The following CATIP variants were observed in gnomAD, a reference collection of about 807,000 sequenced individuals.
The protein encoded by CATIP is ciliogenesis associated TTC17 interacting protein.
In CATIP, 40 loss-of-function variants were observed where a neutral mutation model predicts 42.5. That is an observed-to-expected ratio of 0.94 (90% confidence interval 0.73 to 1.22). CATIP has a LOEUF of 1.22. Among genes scored for constraint, CATIP ranks in the 50% most tolerant of loss-of-function variants. The pLI is 0.00. For missense variants in CATIP, 489 were observed against 496.0 expected, an observed-to-expected ratio of 0.99 and a Z score of 0.13; for synonymous variants, 222 against 200.2, an observed-to-expected ratio of 1.11 and a Z score of -0.92.
chr2:218,366,206 C>T (rs1467863423), intron 7 of CATIP: 3 of 152,426 alleles, frequency 2.0e-5, no homozygotes, highest in African/African-American at 7.2e-5. Context: ...TCACTACAAC[C>T]TCCACCTCCC....
In CATIP at chr2:218,368,090, C is replaced by T; in HGVS notation, c.*126C>T. 8.5e-7 allele frequency: 1 copy of T among 1,177,060 alleles called. No individual in the cohort carries two copies. Among genetic ancestry groups the T allele is most frequent in the Non-Finnish European group, 1.1e-6 (1 of 874,972 alleles). 72.9% of individuals were successfully genotyped at this position (1,177,060 alleles called of 1,614,324 possible). A position where few individuals can be genotyped will look rare whatever the true frequency, so the allele number is the denominator to read the frequency against. ...GAATAAATGGGGCCCTCCCGCTTCT[C>T]TGCAGCGCCCGTCGACAGCGTCCCT... is the stretch of plus-strand genomic sequence containing the variant. On this transcript the variant is annotated 3_prime_UTR_variant, in exon 10 of 10. Transcript: ENST00000289388.
chr2:218,362,947 A>G (rs915663689), intron 6 of CATIP, 45 bp downstream of exon 6: 8 of 1,566,966 alleles, frequency 5.1e-6, no homozygotes, highest in Non-Finnish European at 6.9e-6. Context: ...GGAGCGAACT[A>G]GAAAAGGCGT....
At position 218,357,259 on chromosome 2, in the gene CATIP, GTCTC is replaced by G. The variant is rs144807145; in HGVS notation, c.118+100_118+103del. The G allele has an allele frequency of 2.9e-3, 1,784 of 607,174 alleles. 1 individual carries two copies. Among genetic ancestry groups the G allele is most frequent in the Middle Eastern group, 0.013 (32 of 2,428 alleles). 37.6% of individuals were successfully genotyped at this position (607,174 alleles called of 1,614,324 possible). A position where few individuals can be genotyped will look rare whatever the true frequency, so the allele number is the denominator to read the frequency against. On this transcript the variant is annotated intron_variant, in intron 2 of 9. Transcript: ENST00000289388. ...TCTGGAGAGGAGGGAAGAAAGTCCA[GTCTC>G]TCTCTCTCTCTCTCTCTCTCTCTCT...
At chr2:218,367,000 C>G in intron 7 of CATIP, 24 bp from the exon 8 acceptor site, 1 of 1,593,876 alleles carries the variant, frequency 6.3e-7, no homozygotes, top group Non-Finnish European at 8.6e-7. Flanking sequence ...GATTCTCACT[C>G]TCACATGTTG....
In CATIP at chr2:218,357,985, G is replaced by A. The variant is rs564824794; in HGVS notation, c.320-52G>A. On this transcript the variant is annotated intron_variant, in intron 3 of 9. Coordinates refer to ENST00000289388, the MANE Select transcript of CATIP (RefSeq NM_198559.2). Reference sequence around the variant, plus strand: ...TGCGCCACCACCTTCCCTTCCTTCAGCCTCTGACCCACATCTCCTGTGACG... The same window carrying A: ...TGCGCCACCACCTTCCCTTCCTTCAACCTCTGACCCACATCTCCTGTGACG... 8 of 1,560,496 alleles carry A rather than the reference G, an allele frequency of 5.1e-6. No homozygotes were observed. In the African/African-American group the frequency reaches 1.1e-4, roughly 21 times the overall value.
At position 218,367,723 on chromosome 2, in the gene CATIP, A is replaced by AG; in HGVS notation, c.925dup (p.Glu309GlyfsTer?). The AG allele has an allele frequency of 6.3e-7, 1 of 1,594,806 alleles. No individual in the cohort carries two copies. Among genetic ancestry groups the AG allele is most frequent in the Non-Finnish European group, 8.5e-7 (1 of 1,174,094 alleles). On this transcript the variant is annotated frameshift_variant and splice_region_variant, in exon 10 of 10. Coordinates refer to ENST00000289388, the MANE Select transcript of CATIP (RefSeq NM_198559.2). LOFTEE classifies it low-confidence loss of function (END_TRUNC). ...GGCTCGGGCTCTGTCCCCTGCCAGG[A>AG]GGAGCTCCGGCTCGGCCACGCCAGC... is the stretch of plus-strand genomic sequence containing the variant.
In CATIP at chr2:218,357,962, C is replaced by G. The variant is rs374547432; in HGVS notation, c.320-75C>G. ...CGTATTACACCTAGTCCTCCAGCTG[C>G]GCCACCACCTTCCCTTCCTTCAGCC... On this transcript the variant is annotated intron_variant, in intron 3 of 9. Transcript: ENST00000289388. 1.3e-5 allele frequency: 18 copies of G among 1,400,946 alleles called. No individual in the cohort carries two copies. In the African/African-American group the frequency reaches 2.4e-4, roughly 19 times the overall value. 86.8% of individuals were successfully genotyped at this position (1,400,946 alleles called of 1,614,324 possible).
intron 2 of CATIP, 117 bp from the exon 3 acceptor site, chr2:218,357,417 C>A: frequency 1.2e-6 from 1 of 866,782 alleles, no homozygotes; most frequent in Non-Finnish European, 1.8e-6. Context: ...GTGAGGAAGG[C>A]TGTGGGATGA....
In CATIP at chr2:218,367,022, A is replaced by G; in HGVS notation, c.756-2A>G. ...ACTCTCACATGTTGTGTTGCACTCC[A>G]GGCACCTGGCCAAGAGAATACAGGT... On this transcript the variant is annotated splice_acceptor_variant, in intron 7 of 9. Coordinates refer to ENST00000289388, the MANE Select transcript of CATIP (RefSeq NM_198559.2). LOFTEE classifies it high-confidence loss of function. 1 of 1,612,514 alleles carries G rather than the reference A, an allele frequency of 6.2e-7. No homozygotes were observed. The highest frequency in any genetic ancestry group is 1.3e-5 in the African/African-American group (1 of 74,990).
intron 8 of CATIP, 144 bp from the exon 9 acceptor site, chr2:218,367,286 A>C (rs1241521002): frequency 2.4e-6 from 2 of 838,316 alleles, no homozygotes; most frequent in Admixed American, 2.3e-5. Context: ...TTCCTACTGG[A>C]AGTCCCTTCC....
intron 2 of CATIP, 32 bp from the exon 3 acceptor site, chr2:218,357,502 C>T: frequency 6.3e-7 from 1 of 1,586,706 alleles, no homozygotes; most frequent in Non-Finnish European, 8.6e-7. Context: ...GGAGCAGGGG[C>T]TTTATCTGTT....
chr2:218,367,798 T>C lies in CATIP; in HGVS notation c.998T>C (p.Leu333Pro), dbSNP rs1695518266. Reference sequence around the variant, plus strand: ...CACGCGCTCATCTCCGACTTCCTGCTCTTCCTGCTGCTGCGCCAGCCGGAG... The same window carrying C: ...CACGCGCTCATCTCCGACTTCCTGCCCTTCCTGCTGCTGCGCCAGCCGGAG... ...EAHALISDFL[L>P]FLLLRQPEDV... The change falls in exon 10 of 10, where the codon CTC becomes CCC. Residue 333 changes from leucine to proline, a missense_variant. By Grantham distance (98) the Leu-to-Pro change is moderately conservative (BLOSUM62 -3). Transcript: ENST00000289388. 3.1e-6 allele frequency: 5 copies of C among 1,612,834 alleles called. No homozygotes were observed. The highest frequency in any genetic ancestry group is 2.2e-5 in the South Asian group (2 of 91,084).
In CATIP at chr2:218,367,756, G is replaced by C. The variant is rs1388957532; in HGVS notation, c.956G>C (p.Arg319Pro). The change falls in exon 10 of 10, where the codon CGG (arginine) becomes CCG (proline). Residue 319 changes from arginine (R) to proline (P), a missense_variant. Arg to Pro is a moderately radical substitution (Grantham distance 103). Coordinates refer to ENST00000289388, the MANE Select transcript of CATIP (RefSeq NM_198559.2). ...CGGCTCGGCCACGCCAGCTATCTGC[G>C]GCAGCACCCCGAAGCCCACGCGCTC... ...ELRLGHASYLRQHPEAHALIS... is the reference protein window; with the variant it reads ...ELRLGHASYLPQHPEAHALIS... The C allele has an allele frequency of 6.2e-7, 1 of 1,608,904 alleles. No individual in the cohort carries two copies. Among genetic ancestry groups the C allele is most frequent in the South Asian group, 1.1e-5 (1 of 90,786 alleles).
At chr2:218,364,087 GT>G (rs1211637260) in intron 6 of CATIP, among the ~76,000 whole-genome samples, 5 of 152,144 alleles carry the variant, frequency 3.3e-5, no homozygotes, top group African/African-American at 1.2e-4. Flanking sequence ...TTCCAGGCTT[GT>G]CTATCAAAAC....
At chr2:218,367,628 C>T (rs1695503183) in intron 9 of CATIP, 94 bp from the exon 10 acceptor site, 2 of 1,591,832 alleles carry the variant, frequency 1.3e-6, no homozygotes, top group South Asian at 1.1e-5. Flanking sequence ...TAGAAGGCTC[C>T]AGCGCCCCTT....
At chr2:218,363,510 A>C (rs185829028) in intron 6 of CATIP, among the ~76,000 whole-genome samples, 10,605 of 150,076 alleles carry the variant, frequency 0.071, 416 homozygotes, top group African/African-American at 0.12. Context: ...AAAAAAAAAA[A>C]ACGTCATTTT....
In CATIP at chr2:218,367,055, C is replaced by G. The variant is rs1695471468; in HGVS notation, c.787C>G (p.Pro263Ala). The change falls in exon 8 of 10, where the codon CCA (proline) becomes GCA (alanine). Residue 263 changes from proline (P) to alanine (A), a missense_variant. Physicochemically the swap from Pro to Ala is conservative, Grantham distance 27 (BLOSUM62 -1). Coordinates refer to ENST00000289388, the MANE Select transcript of CATIP (RefSeq NM_198559.2). ...GGCCAAGAGAATACAGGTGGGCTCC[C>G]CAGGGTGCTGCATCATCACCAAGAT... Reference protein sequence around the residue: ...HLAKRIQVGSPGCCIITKMPI... With the variant: ...HLAKRIQVGSAGCCIITKMPI... 6.2e-7 allele frequency: 1 copy of G among 1,613,738 alleles called. No homozygotes were observed. Among genetic ancestry groups the G allele is most frequent in the Admixed American group, 1.7e-5 (1 of 59,986 alleles).
intron 5 of CATIP, among the ~76,000 whole-genome samples, chr2:218,361,930 C>T (rs1340217988): frequency 1.3e-5 from 2 of 151,798 alleles, no homozygotes; most frequent in Non-Finnish European, 2.9e-5. Context: ...AATCCCAGCT[C>T]TCAGAAGCAA....
At chr2:218,361,562 G>GA (rs1193825122) in intron 5 of CATIP, among the ~76,000 whole-genome samples, 2 of 152,188 alleles carry the variant, frequency 1.3e-5, no homozygotes, top group Non-Finnish European at 2.9e-5. Flanking sequence ...CTGGCTTAGT[G>GA]AAACAATAGA....
Sources: allele counts gnomAD v4.1 joint callset (sites outside exome capture counted in the v4.1 genomes callset), GRCh38; gene constraint gnomAD v4.1.1; transcripts MANE v1.5; gene names NCBI Gene and HGNC (gene_info 2026-07-23, HGNC 2026-07-21).